Variants in PACS2 observed in about 807,000 individuals in gnomAD.
The protein encoded by PACS2 is phosphofurin acidic cluster sorting protein 2, also known as PACS1-like protein.
A neutral mutation model predicts 113.0 loss-of-function variants in PACS2; 36 were observed. The ratio of observed to expected loss-of-function variants is 0.32; its 90% CI spans 0.24 to 0.42. PACS2 has a LOEUF of 0.42. PACS2 is among the 10% of genes least tolerant of loss of function. The probability of loss-of-function intolerance (pLI) is 1.00; values close to 1 mark genes in which losing one functional copy is unlikely to be tolerated. For missense variants in PACS2, 1,015 were observed against 1,239.5 expected (o/e 0.82, Z 2.72); for synonymous variants, 589 against 536.1 (o/e 1.10, Z -1.36).
Position 105,355,219 on chromosome 14 carries a change from C to T in PACS2, c.423+42C>T. The T allele has an allele frequency of 1.3e-6, 2 of 1,596,136 alleles. No homozygotes were observed. The highest frequency in any genetic ancestry group is 2.2e-5 in the East Asian group (1 of 44,512). On this transcript the variant is annotated intron_variant, in intron 4 of 24. Coordinates refer to ENST00000447393, the MANE Select transcript of PACS2 (RefSeq NM_001100913.3). The surrounding 1 kb of genome is among the most constrained non-coding windows in gnomAD (Gnocchi z 4.1). ...GCGTGGCCTGCGTCGGGCTGGCCAC[C>T]TGGGTGCCAGAGCATTCGCCCGTGG...
rs2060919181 is a variant in PACS2 at position 105,365,667 on chromosome 14, G to C, written c.424-1546G>C. ...CTGAGCCCCACCTTGATTCCTCCGG[G>C]ACCCCAGCCCGGCAGCCCCCTCCCC... is the stretch of plus-strand genomic sequence containing the variant. On this transcript the variant is annotated intron_variant, in intron 4 of 24. Coordinates refer to ENST00000447393, the MANE Select transcript of PACS2 (RefSeq NM_001100913.3). The surrounding 1 kb of genome is among the most constrained non-coding windows in gnomAD (Gnocchi z 5.1). Among the ~76,000 whole-genome samples, 1 of 152,070 alleles carries C rather than the reference G, an allele frequency of 6.6e-6. No individual in the cohort carries two copies. The highest frequency in any genetic ancestry group is 1.5e-5 in the Non-Finnish European group (1 of 68,008).
At position 105,391,693 on chromosome 14, in the gene PACS2, TCTC is replaced by T. The variant is rs2081362997; in HGVS notation, c.2185_2187del (p.Pro729del). On this transcript the variant is annotated inframe_deletion, in exon 22 of 25. Coordinates refer to ENST00000447393, the MANE Select transcript of PACS2 (RefSeq NM_001100913.3). The stretch of plus-strand genomic sequence containing the variant: ...GCTCTCCTCCACCCCGCCGTCCGCA[TCTC>T]CTGCGGCCAAGGAGGCCTCACCCAC... 1 of 1,606,956 alleles carries T rather than the reference TCTC, an allele frequency of 6.2e-7. No homozygotes were observed.
At chr14:105,319,369 C>A (rs2058798984) in intron 1 of PACS2, among the ~76,000 whole-genome samples, 1 of 152,348 alleles carries the variant, frequency 6.6e-6, no homozygotes, top group South Asian at 2.1e-4. Flanking sequence ...CATTCATGAT[C>A]AAGCTATTTA....
At chr14:105,337,873 T>C (rs1353904855) in intron 1 of PACS2, among the ~76,000 whole-genome samples, 4 of 152,214 alleles carry the variant, frequency 2.6e-5, no homozygotes, top group Non-Finnish European at 5.9e-5. Flanking sequence ...CCTTGCTCCG[T>C]TGGGACATAG....
rs2060216332 is a variant in PACS2, at chr14:105,352,475, T to G, written c.297+8T>G. 6.4e-7 allele frequency: 1 copy of G among 1,567,848 alleles called. No individual in the cohort carries two copies. Among genetic ancestry groups the G allele is most frequent in the African/African-American group, 1.4e-5 (1 of 73,818 alleles). ...CTGACCTTCTCCTTGCAGGTGAGTCTTTCACCAGTGGTGACGACACCCTCA... is the reference window on the plus strand; with the variant it reads ...CTGACCTTCTCCTTGCAGGTGAGTCGTTCACCAGTGGTGACGACACCCTCA... On this transcript the variant is annotated splice_region_variant and intron_variant, in intron 3 of 24. Coordinates refer to ENST00000447393, the MANE Select transcript of PACS2 (RefSeq NM_001100913.3).
intron 1 of PACS2, among the ~76,000 whole-genome samples, chr14:105,342,908 C>A (rs2059786917): frequency 6.6e-6 from 1 of 150,380 alleles, no homozygotes; most frequent in Non-Finnish European, 1.5e-5. Flanking sequence ...GCACTCCAGC[C>A]TGGGTGACAG....
chr14:105,334,096 C>G (rs1456982074), intron 1 of PACS2, among the ~76,000 whole-genome samples: 1 of 152,218 alleles, frequency 6.6e-6, no homozygotes, highest in Non-Finnish European at 1.5e-5. Flanking sequence ...CCTGTCTGGT[C>G]TAGAGCCTGG....
chr14:105,331,956 C>T (rs1399070938), intron 1 of PACS2, among the ~76,000 whole-genome samples: 1 of 152,204 alleles, frequency 6.6e-6, no homozygotes, highest in Non-Finnish European at 1.5e-5. Context: ...GTTTTATTGT[C>T]TTCTGGCCTC....
intron 1 of PACS2, among the ~76,000 whole-genome samples, chr14:105,345,144 A>T (rs1555402345): frequency 6.7e-6 from 1 of 148,576 alleles, no homozygotes; most frequent in African/African-American, 2.5e-5. Flanking sequence ...CAGTGGCTCA[A>T]CGCCTGTAAT....
rs782220581 is a variant in PACS2 at position 105,376,899 on chromosome 14, C to T, written c.933C>T (p.Val311=). 3 of 1,611,470 alleles carry T rather than the reference C, an allele frequency of 1.9e-6. No individual in the cohort carries two copies. The highest frequency in any genetic ancestry group is 2.5e-6 in the Non-Finnish European group (3 of 1,179,058). The change falls in exon 9 of 25, where the codon GTC becomes GTT. Residue 311 remains valine (V), a synonymous_variant. Coordinates refer to ENST00000447393, the MANE Select transcript of PACS2 (RefSeq NM_001100913.3). The surrounding 1 kb of genome is among the most constrained non-coding windows in gnomAD (Gnocchi z 4.7). ...SGPDMEDDDS[V]LSTPKPKLRP... is the part of the protein sequence containing the mutation. Reference sequence around the variant, plus strand: ...CCGACATGGAGGATGACGACAGCGTCCTCAGCACCCCCAAGCCGAAGCTGC... The same window carrying T: ...CCGACATGGAGGATGACGACAGCGTTCTCAGCACCCCCAAGCCGAAGCTGC...
chr14:105,381,634 GTGGCTCCAAGCCTCCTGGCC>G (rs2080998252), intron 12 of PACS2, among the ~76,000 whole-genome samples: 1 of 152,238 alleles, frequency 6.6e-6, no homozygotes, highest in Admixed American at 6.5e-5. Flanking sequence ...AGTCCTCACG[GTGGCTCCAAGCCTCCTGGCC>G]TGGCTCGAAG....
chr14:105,392,424 T>C, intron 22 of PACS2, 195 bp from the exon 23 acceptor site: 2 of 593,446 alleles, frequency 3.4e-6, no homozygotes, highest in Non-Finnish European at 6.0e-6. Context: ...GTCCCTGTAA[T>C]TTAAGCAGGA....
intron 1 of PACS2, among the ~76,000 whole-genome samples, chr14:105,327,709 T>C (rs587758737): frequency 2.6e-5 from 4 of 152,344 alleles, no homozygotes; most frequent in African/African-American, 9.6e-5. Context: ...GAGGTTTCTT[T>C]AATTAGCAAC....
At chr14:105,341,546 G>C (rs2059724216) in intron 1 of PACS2, among the ~76,000 whole-genome samples, 3 of 152,330 alleles carry the variant, frequency 2.0e-5, no homozygotes, top group South Asian at 4.1e-4. Flanking sequence ...AGGTTTTCTG[G>C]TGTCTTTGTT....
intron 4 of PACS2, among the ~76,000 whole-genome samples, chr14:105,362,744 A>C (rs888457581): frequency 2.0e-5 from 3 of 151,552 alleles, no homozygotes; most frequent in Non-Finnish European, 4.4e-5. Flanking sequence ...CCAGCTACTC[A>C]GGAGGCTGAG....
intron 6 of PACS2, 122 bp from the exon 7 acceptor site, chr14:105,368,337 G>C (rs1555408483): frequency 1.1e-6 from 1 of 879,856 alleles, no homozygotes; most frequent in Non-Finnish European, 1.9e-6. Context: ...GGCTCTGAGA[G>C]TCTTGGGACA....
intron 2 of PACS2, among the ~76,000 whole-genome samples, chr14:105,351,569 G>T (rs1555403992): frequency 6.6e-6 from 1 of 152,228 alleles, no homozygotes; most frequent in African/African-American, 2.4e-5. Context: ...GCCAGGTGCA[G>T]TGGCTCATGC....
chr14:105,310,455 G>A (rs1389421740), upstream of PACS2, among the ~76,000 whole-genome samples: 3 of 151,076 alleles, frequency 2.0e-5, no homozygotes, highest in Non-Finnish European at 2.9e-5. Flanking sequence ...GCATGAACCC[G>A]GGAGGCAGAG....
rs782299006 is a variant in PACS2, at chr14:105,391,648, GC to G, written c.2142del (p.Ser715ArgfsTer30). ...SATSGDSDDAAPSGSGTLSST... is the reference protein window; with the variant it reads ...SATSGDSDDAXPSGSGTLSST... Reference sequence around the variant, plus strand: ...CCCCAAAGGCGACTCGGACGACGCGGCCCCCTCGGGCTCTGGCACGCTCTCC... The same window carrying G: ...CCCCAAAGGCGACTCGGACGACGCGGCCCCTCGGGCTCTGGCACGCTCTCC... On this transcript the variant is annotated frameshift_variant, in exon 22 of 25. Transcript: ENST00000447393. LOFTEE classifies it high-confidence loss of function. 2 of 1,609,988 alleles carry G rather than the reference GC, an allele frequency of 1.2e-6. No individual in the cohort carries two copies. The highest frequency in any genetic ancestry group is 8.5e-7 in the Non-Finnish European group (1 of 1,179,364).
Sources: allele counts gnomAD v4.1 joint callset (sites outside exome capture counted in the v4.1 genomes callset), GRCh38; gene constraint gnomAD v4.1.1; non-coding constraint Gnocchi (gnomAD v3.1); transcripts MANE v1.5; gene names NCBI Gene and HGNC (gene_info 2026-07-23, HGNC 2026-07-21).